Variants in RNASET2 observed in about 807,000 individuals in gnomAD.
The protein encoded by RNASET2 is ribonuclease T2, also known as ribonuclease 6.
Under a neutral mutation model 33.9 loss-of-function variants are expected in RNASET2, and 28 were observed. The ratio of observed to expected loss-of-function variants is 0.83; its 90% CI spans 0.61 to 1.13. RNASET2 has a LOEUF of 1.13. RNASET2 is among the 50% of genes most tolerant of loss of function. The pLI, the probability that RNASET2 is intolerant of heterozygous loss-of-function variation, is 0.00. For missense variants in RNASET2, 330 were observed against 319.9 expected, an observed-to-expected ratio of 1.03 and a Z score of -0.24; for synonymous variants, 123 against 121.0, an observed-to-expected ratio of 1.02 and a Z score of -0.11.
chr6:166,942,596 C>T (rs1482288384), intron 5 of RNASET2, among the ~76,000 whole-genome samples: 1 of 152,010 alleles, frequency 6.6e-6, no homozygotes, highest in Non-Finnish European at 1.5e-5. Context: ...CGCACAATAC[C>T]ACATCTAGCT....
At chr6:166,955,638 A>G (rs1428532523) in intron 1 of RNASET2, 3 of 998,646 alleles carry the variant, frequency 3.0e-6, no homozygotes, top group African/African-American at 3.5e-5. Context: ...CTGTGGGATG[A>G]GTTTCCAGTC....
intron 3 of RNASET2, 82 bp from the exon 4 acceptor site, chr6:166,946,821 T>C (rs1778858633): frequency 1.3e-6 from 1 of 779,708 alleles, no homozygotes; most frequent in Non-Finnish European, 2.3e-6. Context: ...GAAAACACTT[T>C]CATTGAAGTC....
intron 5 of RNASET2, among the ~76,000 whole-genome samples, chr6:166,939,788 G>T (rs1247688637): frequency 6.6e-6 from 1 of 152,176 alleles, no homozygotes; most frequent in Non-Finnish European, 1.5e-5. Context: ...CTACATAGAG[G>T]ACAATAAGAA....
chr6:166,922,264 GAC>G lies in RNASET2; in HGVS notation c.*7322_*7323del, dbSNP rs1460368341. On this transcript the variant is annotated 3_prime_UTR_variant, in exon 9 of 9. Transcript: ENST00000508775. The stretch of plus-strand genomic sequence containing the variant: ...TAAATGTGATTATGGATTACTCACT[GAC>G]ACACTCAAAAAGCGCGGTGATCTGA... Among the ~76,000 whole-genome samples, 1 of 152,184 alleles carries G rather than the reference GAC, an allele frequency of 6.6e-6. No individual in the cohort carries two copies. Among genetic ancestry groups the G allele is most frequent in the Middle Eastern group, 3.2e-3 (1 of 316 alleles).
intron 1 of RNASET2, among the ~76,000 whole-genome samples, chr6:166,954,912 A>G (rs1162438044): frequency 6.6e-6 from 1 of 151,798 alleles, no homozygotes; most frequent in Admixed American, 6.6e-5. Context: ...AATCGCTTGA[A>G]CCCGGGAGGT....
intron 3 of RNASET2, among the ~76,000 whole-genome samples, chr6:166,947,221 G>T (rs369186105): frequency 1.3e-5 from 2 of 152,318 alleles, no homozygotes; most frequent in African/African-American, 4.8e-5. Flanking sequence ...GTCAGAAAGT[G>T]CCTGGCGTAT....
intron 6 of RNASET2, chr6:166,934,342 A>T (rs1778516483): frequency 5.2e-6 from 3 of 579,122 alleles, no homozygotes; most frequent in Non-Finnish European, 9.3e-6. Flanking sequence ...CACACACACA[A>T]ACTGCTCCAG....
Position 166,929,533 on chromosome 6 carries a change from G to T in RNASET2, c.*55C>A, listed in dbSNP as rs545571653. The T allele has an allele frequency of 1.0e-5, 16 of 1,555,402 alleles. No individual in the cohort carries two copies. The African/African-American group carries it at 2.0e-4, about 20-fold the overall frequency. ...CTTTGGAGTTGTTTTTTAGAAAGCT[G>T]CAGTTTGTGAATTTCTCTTGCTTTT... On this transcript the variant is annotated 3_prime_UTR_variant, in exon 9 of 9. Coordinates refer to ENST00000508775, the MANE Select transcript of RNASET2 (RefSeq NM_003730.6).
chr6:166,942,156 G>A (rs1178883709), intron 5 of RNASET2, among the ~76,000 whole-genome samples: 2 of 144,992 alleles, frequency 1.4e-5, no homozygotes, highest in Non-Finnish European at 3.0e-5. Flanking sequence ...GAATTCAATT[G>A]ATTCTCCTGC....
At chr6:166,947,219 G>A (rs1778869578) in intron 3 of RNASET2, among the ~76,000 whole-genome samples, 1 of 152,218 alleles carries the variant, frequency 6.6e-6, no homozygotes, top group African/African-American at 2.4e-5. Flanking sequence ...ATGTCAGAAA[G>A]TGCCTGGCGT....
At chr6:166,930,238 A>C (rs567904879) in intron 8 of RNASET2, among the ~76,000 whole-genome samples, 14 of 152,394 alleles carry the variant, frequency 9.2e-5, no homozygotes, top group African/African-American at 3.4e-4. Context: ...ATAAGCAAGA[A>C]GACAAACCCT....
chr6:166,936,736 A>G (rs1778579568), intron 6 of RNASET2, among the ~76,000 whole-genome samples: 1 of 152,230 alleles, frequency 6.6e-6, no homozygotes, highest in South Asian at 2.1e-4. Context: ...CTGGTGATCA[A>G]ATTTCAACAT....
rs1217009046 is a variant in RNASET2, at chr6:166,926,932, C to G, written c.*2656G>C. ...CTGCCCCTCCTGGCTGCTCTCCATC[C>G]TGAGATGCGCCTGCTCCTTTGTCCC... is the stretch of plus-strand genomic sequence containing the variant. On this transcript the variant is annotated 3_prime_UTR_variant, in exon 9 of 9. Transcript: ENST00000508775. 6.6e-6 allele frequency among the ~76,000 whole-genome samples: 1 copy of G among 152,200 alleles called. No homozygotes were observed. The highest frequency in any genetic ancestry group is 2.1e-4 in the South Asian group (1 of 4,836).
At chr6:166,942,931 CCACA>C (rs906218570) in intron 5 of RNASET2, 84 bp downstream of exon 5, 1 of 1,047,748 alleles carries the variant, frequency 9.5e-7, no homozygotes, top group Non-Finnish European at 1.5e-6. Context: ...ATCTTGCTTC[CCACA>C]CAGTTTCCAC....
rs149106779 is a variant in RNASET2, at chr6:166,929,691, T to A, written c.668A>T (p.Lys223Met). Residue 223 changes from lysine (K) to methionine (M), a missense_variant, in exon 9 of 9, where the codon AAG becomes ATG. By Grantham distance (95) the Lys-to-Met change is moderately conservative (BLOSUM62 -1). Coordinates refer to ENST00000508775, the MANE Select transcript of RNASET2 (RefSeq NM_003730.6). ...CCCATTTGCCAGCCAGACTTCCTGC[T>A]TGGGGGACGGCTGCTCCCCCGGCTC... Reference protein sequence around the residue: ...CTEPGEQPSPKQEVWLANGAA... With the variant: ...CTEPGEQPSPMQEVWLANGAA... The A allele has an allele frequency of 1.2e-6, 2 of 1,614,188 alleles. No individual in the cohort carries two copies. The highest frequency in any genetic ancestry group is 1.7e-5 in the Admixed American group (1 of 60,020).
At chr6:166,947,054 C>A (rs1778865973) in intron 3 of RNASET2, among the ~76,000 whole-genome samples, 1 of 152,038 alleles carries the variant, frequency 6.6e-6, no homozygotes, top group African/African-American at 2.4e-5. Context: ...GGGGTCAGCC[C>A]CGGCTGGGTT....
At chr6:166,931,194 C>G in intron 7 of RNASET2, 76 bp from the exon 8 acceptor site, 1 of 1,056,570 alleles carries the variant, frequency 9.5e-7, no homozygotes, top group Non-Finnish European at 1.5e-6. Flanking sequence ...ATCCTGAGCG[C>G]AACAGTGGCA....
chr6:166,954,274 C>T (rs1333482784), intron 1 of RNASET2, among the ~76,000 whole-genome samples: 1 of 152,254 alleles, frequency 6.6e-6, no homozygotes, highest in Admixed American at 6.5e-5. Flanking sequence ...CAACCATGTT[C>T]TCGCAAATCT....
rs912205587 is a variant in RNASET2, at chr6:166,927,511, G to T, written c.*2077C>A. Among the ~76,000 whole-genome samples the T allele has an allele frequency of 5.3e-5, 8 of 149,892 alleles. No individual in the cohort carries two copies. Among genetic ancestry groups the T allele is most frequent in the Non-Finnish European group, 1.2e-4 (8 of 67,856 alleles). On this transcript the variant is annotated 3_prime_UTR_variant, in exon 9 of 9. Transcript: ENST00000508775. Reference sequence around the variant, plus strand: ...GCTCACACTCATATAATAAATACACGCTACTTAAAAAAAAGAATGGCTTCT... The same window carrying T: ...GCTCACACTCATATAATAAATACACTCTACTTAAAAAAAAGAATGGCTTCT...
Sources: allele counts gnomAD v4.1 joint callset (sites outside exome capture counted in the v4.1 genomes callset), GRCh38; gene constraint gnomAD v4.1.1; transcripts MANE v1.5; gene names NCBI Gene and HGNC (gene_info 2026-07-23, HGNC 2026-07-21).